The following CSTB variants were observed in gnomAD, a reference collection of about 807,000 sequenced individuals.
The protein encoded by CSTB is cystatin B, also known as cystatin-B.
Under a neutral mutation model 7.6 loss-of-function variants are expected in CSTB, and 8 were observed. The observed-to-expected ratio is 1.05, with a 90% confidence interval of 0.62 to 1.89. The LOEUF is 1.89. CSTB is among the 40% of genes most tolerant of loss of function. The probability of loss-of-function intolerance (pLI) is 0.00; values close to 1 mark genes in which losing one functional copy is unlikely to be tolerated. For missense variants in CSTB, 124 were observed against 126.4 expected (o/e 0.98, Z 0.09); for synonymous variants, 56 against 55.3 (o/e 1.01, Z -0.06).
chr21:43,774,364 TC>T, intron 2 of CSTB, 34 bp from the exon 3 acceptor site: 1 of 1,613,936 alleles, frequency 6.2e-7, no homozygotes, highest in South Asian at 1.1e-5. Context: ...AAGCCTCTGA[TC>T]CCAAGTCACC....
intron 1 of CSTB, 108 bp downstream of exon 1, chr21:43,776,096 A>C (rs6370): frequency 9.4e-7 from 1 of 1,062,804 alleles, no homozygotes; most frequent in Non-Finnish European, 1.4e-6. Flanking sequence ...GGGCCAGCCC[A>C]GGGGTGCGCA....
chr21:43,774,581 C>T (rs2084000908), intron 2 of CSTB, 77 bp downstream of exon 2: 1 of 1,354,110 alleles, frequency 7.4e-7, no homozygotes, highest in Non-Finnish European at 1.1e-6. Flanking sequence ...CACCTAAGAC[C>T]ACACAGCCCG....
chr21:43,774,593 G>A (rs2084001016), intron 2 of CSTB, 65 bp downstream of exon 2: 1 of 1,404,556 alleles, frequency 7.1e-7, no homozygotes, highest in Non-Finnish European at 1.0e-6. Flanking sequence ...CACAGCCCGG[G>A]CCTGCACAGG....
Position 43,776,248 on chromosome 21 carries a change from C to T in CSTB, c.22G>A (p.Ala8Thr). 2 of 1,528,354 alleles carry T rather than the reference C, an allele frequency of 1.3e-6. No individual in the cohort carries two copies. The highest frequency in any genetic ancestry group is 2.0e-5 in the Admixed American group (1 of 49,950). 94.7% of individuals were successfully genotyped at this position (1,528,354 alleles called of 1,614,324 possible). The change falls in exon 1 of 3, where the codon GCC becomes ACC. Residue 8 changes from alanine to threonine, a missense_variant. Physicochemically the swap from Ala to Thr is moderately conservative, Grantham distance 58. Coordinates refer to ENST00000291568, the MANE Select transcript of CSTB (RefSeq NM_000100.4). Reference sequence around the variant, plus strand: ...GTCTCGGCGGTGGCCGGCTGCGTGGCGGAGGGCGCCCCGCACATCATCTTG... The same window carrying T: ...GTCTCGGCGGTGGCCGGCTGCGTGGTGGAGGGCGCCCCGCACATCATCTTG... MMCGAPSATQPATAETQH... is the reference protein window; with the variant it reads MMCGAPSTTQPATAETQH...
At chr21:43,774,457 C>CCA (rs2084000381) in intron 2 of CSTB, 127 bp from the exon 3 acceptor site, 1 of 1,466,276 alleles carries the variant, frequency 6.8e-7, no homozygotes, top group African/African-American at 1.4e-5. Context: ...GCCTCACATC[C>CCA]CACACTTGTT....
At chr21:43,775,021 T>A in intron 1 of CSTB, 1 of 511,952 alleles carries the variant, frequency 2.0e-6, no homozygotes, top group Non-Finnish European at 3.5e-6. Context: ...GTCAGGAGTT[T>A]GAGACCAGCC....
chr21:43,774,133 T>C lies in CSTB; in HGVS notation c.*69A>G, dbSNP rs142767585. The C allele has an allele frequency of 1.4e-3, 2,274 of 1,604,390 alleles. 23 individuals are homozygous for C. In the African/African-American group the frequency reaches 0.025, roughly 18 times the overall value. On this transcript the variant is annotated 3_prime_UTR_variant, in exon 3 of 3. Transcript: ENST00000291568. The stretch of plus-strand genomic sequence containing the variant: ...ATGAAGCTTATTTTAGGATCACAAG[T>C]GCACGCTCTGGTAGACGGAGGATGA...
chr21:43,775,079 T>C, intron 1 of CSTB: 1 of 377,126 alleles, frequency 2.7e-6, no homozygotes, highest in Non-Finnish European at 5.1e-6. Context: ...AAAAATTAGC[T>C]GGGCGTGGTG....
chr21:43,776,130 G>T, intron 1 of CSTB, 74 bp downstream of exon 1: 1 of 1,388,106 alleles, frequency 7.2e-7, no homozygotes, highest in Non-Finnish European at 9.7e-7. Flanking sequence ...GGCTTCTTTC[G>T]CTCCAGGAGC....
chr21:43,775,729 A>G (rs1300262784), intron 1 of CSTB: 2 of 155,398 alleles, frequency 1.3e-5, no homozygotes, highest in East Asian at 1.9e-4. Flanking sequence ...CCACCTGCGC[A>G]CTTCCTTGTA....
intron 2 of CSTB, 52 bp downstream of exon 2, chr21:43,774,606 G>T: frequency 6.6e-7 from 1 of 1,516,340 alleles, no homozygotes; most frequent in Non-Finnish European, 9.2e-7. Flanking sequence ...TGCACAGGCG[G>T]TTTCCTACCA....
Position 43,776,303 on chromosome 21 carries a change from C to G in CSTB, c.-34G>C, listed in dbSNP as rs1398406036. ...CGACGGAGGGAATCTGGCGAGGGGA[C>G]TCGGCGAGGGGACGCGGCGGCTCCT... is the stretch of plus-strand genomic sequence containing the variant. On this transcript the variant is annotated 5_prime_UTR_variant, in exon 1 of 3. Coordinates refer to ENST00000291568, the MANE Select transcript of CSTB (RefSeq NM_000100.4). The G allele has an allele frequency of 2.6e-6, 4 of 1,511,712 alleles. No homozygotes were observed. The South Asian group carries it at 3.7e-5, about 14-fold the overall frequency. The allele number at this position is 1,511,712 out of a possible 1,614,324, so 93.6% of individuals were successfully genotyped here. A position where few individuals can be genotyped will look rare whatever the true frequency, so the allele number is the denominator to read the frequency against.
At position 43,774,149 on chromosome 21, in the gene CSTB, C is replaced by CG; in HGVS notation, c.*52dup. 5.6e-6 allele frequency: 9 copies of CG among 1,613,320 alleles called. No individual in the cohort carries two copies. The highest frequency in any genetic ancestry group is 4.5e-5 in the East Asian group (2 of 44,870). On this transcript the variant is annotated 3_prime_UTR_variant, in exon 3 of 3. Coordinates refer to ENST00000291568, the MANE Select transcript of CSTB (RefSeq NM_000100.4). ...GATCACAAGTGCACGCTCTGGTAGA[C>CG]GGAGGATGACTTTGTCAGTCTTCTG...
In CSTB at chr21:43,774,656, A is replaced by T. The variant is rs749157471; in HGVS notation, c.168+2T>A. The T allele has an allele frequency of 7.4e-6, 12 of 1,612,562 alleles. No individual in the cohort carries two copies. The highest frequency in any genetic ancestry group is 2.5e-6 in the Non-Finnish European group (3 of 1,178,592). ...CAGGCCCTCCTGAGGCCCACACTCT[A>T]CCTTGATGAAGTAGTTTGTCCCCGC... On this transcript the variant is annotated splice_donor_variant, in intron 2 of 2. Transcript: ENST00000291568. LOFTEE classifies it high-confidence loss of function.
At position 43,774,229 on chromosome 21, in the gene CSTB, G is replaced by A; in HGVS notation, c.270C>T (p.Ala90=). ...AGAAATAGGTCAGCTCATCATGCTT[G>A]GCTTTGTTGGTCTGGTAGTTAGATA... The part of the protein sequence containing the change: ...LTLSNYQTNK[A]KHDELTYF Residue 90 remains alanine (A), a synonymous_variant, in exon 3 of 3, where the codon GCC becomes GCT. Coordinates refer to ENST00000291568, the MANE Select transcript of CSTB (RefSeq NM_000100.4). The A allele has an allele frequency of 6.2e-7, 1 of 1,614,224 alleles. No homozygotes were observed. Among genetic ancestry groups the A allele is most frequent in the Non-Finnish European group, 8.5e-7 (1 of 1,180,026 alleles).
intron 1 of CSTB, chr21:43,775,307 G>C: frequency 1.0e-5 from 2 of 199,168 alleles, no homozygotes; most frequent in Non-Finnish European, 2.1e-5. Flanking sequence ...CCATGACAGC[G>C]AGGCGGGCCT....
intron 1 of CSTB, 151 bp from the exon 2 acceptor site, chr21:43,774,910 A>G (rs1433236031): frequency 1.4e-6 from 1 of 710,336 alleles, no homozygotes; most frequent in Non-Finnish European, 2.6e-6. Flanking sequence ...TTAAACTGTC[A>G]GCCTAATAAT....
Position 43,774,752 on chromosome 21 carries a change from G to A in CSTB, c.74C>T (p.Ser25Phe). 1 of 1,613,684 alleles carries A rather than the reference G, an allele frequency of 6.2e-7. No homozygotes were observed. Among genetic ancestry groups the A allele is most frequent in the Non-Finnish European group, 8.5e-7 (1 of 1,179,612 alleles). ...ETQHIADQVR[S>F]QLEEKENKKF... ...CTTGTTTTCTTTCTCTTCAAGCTGGGACCTCACCTAGACAGAAGGGACAGA... is the reference window on the plus strand; with the variant it reads ...CTTGTTTTCTTTCTCTTCAAGCTGGAACCTCACCTAGACAGAAGGGACAGA... The change falls in exon 2 of 3, where the codon TCC (serine) becomes TTC (phenylalanine). Residue 25 changes from serine (S) to phenylalanine (F), a missense_variant. Coordinates refer to ENST00000291568, the MANE Select transcript of CSTB (RefSeq NM_000100.4).
Position 43,774,303 on chromosome 21 carries a change from G to A in CSTB, c.196C>T (p.His66Tyr), listed in dbSNP as rs748818442. The A allele has an allele frequency of 3.7e-6, 6 of 1,614,230 alleles. No homozygotes were observed. In the South Asian group the frequency reaches 5.5e-5, roughly 15 times the overall value. Residue 66 changes from histidine to tyrosine, a missense_variant, in exon 3 of 3, where the codon CAC (histidine) becomes TAC (tyrosine). By Grantham distance (83) the His-to-Tyr change is moderately conservative. Coordinates refer to ENST00000291568, the MANE Select transcript of CSTB (RefSeq NM_000100.4). ...KVHVGDEDFV[H>Y]LRVFQSLPHE... ...GGGAGAGATTGGAACACTCGCAGGT[G>A]TACGAAGTCCTCGTCGCCGACGTGC...
Sources: allele counts gnomAD v4.1 joint callset, GRCh38; gene constraint gnomAD v4.1.1; transcripts MANE v1.5; gene names NCBI Gene and HGNC (gene_info 2026-07-23, HGNC 2026-07-21).